ACACB: variants seen among roughly 807,000 people sequenced by gnomAD.
ACACB encodes acetyl-CoA carboxylase beta, also known as acetyl-CoA carboxylase 2.
Under a neutral mutation model 278.8 loss-of-function variants are expected in ACACB, and 209 were observed. The ratio of observed to expected loss-of-function variants is 0.75; its 90% confidence interval spans 0.67 to 0.84. The LOEUF is 0.84. Ranked by LOEUF, ACACB falls within the 40% of genes least tolerant of loss-of-function variation. The pLI is 0.00. For missense variants in ACACB, 2,850 were observed against 3,269.0 expected (o/e 0.87, Z 3.13); for synonymous variants, 1,174 against 1,285.6 (o/e 0.91, Z 1.86).
intron 24 of ACACB, among the ~76,000 whole-genome samples, chr12:109,217,695 G>C (rs1465595281): frequency 6.6e-6 from 1 of 151,244 alleles, no homozygotes; most frequent in Non-Finnish European, 1.5e-5. Flanking sequence ...AGCTACTCAG[G>C]GGGCTGAGGC....
chr12:109,196,102 AG>A (rs2045118556), intron 16 of ACACB, among the ~76,000 whole-genome samples: 1 of 152,090 alleles, frequency 6.6e-6, no homozygotes, highest in South Asian at 2.1e-4. Flanking sequence ...AAGGCCCTTT[AG>A]GGTGTGTGTT....
intron 4 of ACACB, 116 bp from the exon 5 acceptor site, chr12:109,171,689 A>G (rs2044121129): frequency 3.9e-6 from 3 of 777,106 alleles, no homozygotes; most frequent in South Asian, 1.7e-5. Flanking sequence ...CATTGTTACC[A>G]TAGAAATCTG....
chr12:109,228,101 G>A (rs2046366265), intron 28 of ACACB, among the ~76,000 whole-genome samples: 1 of 151,090 alleles, frequency 6.6e-6, no homozygotes, highest in Non-Finnish European at 1.5e-5. Flanking sequence ...ACTTTGGGAG[G>A]CTGAGGTGGG....
chr12:109,116,006 C>T (rs1314295566), upstream of ACACB, among the ~76,000 whole-genome samples: 3 of 152,240 alleles, frequency 2.0e-5, no homozygotes, highest in Non-Finnish European at 2.9e-5. Context: ...GCCCTCCCCA[C>T]GTTGCAGAAC....
chr12:109,141,320 A>C (rs1015661418), intron 2 of ACACB, among the ~76,000 whole-genome samples: 10 of 152,176 alleles, frequency 6.6e-5, no homozygotes, highest in African/African-American at 2.4e-4. Flanking sequence ...GTTGGAAATG[A>C]ATGCCTGTAG....
chr12:109,177,132 G>T (rs980884212), intron 9 of ACACB, among the ~76,000 whole-genome samples: 36 of 152,222 alleles, frequency 2.4e-4, no homozygotes, highest in African/African-American at 7.9e-4. Context: ...ACGAAATTTT[G>T]CTCTGCATTT....
Position 109,266,535 on chromosome 12 carries a change from T to C in ACACB, c.*173T>C. On this transcript the variant is annotated 3_prime_UTR_variant, in exon 53 of 53. Transcript: ENST00000338432. Reference sequence around the variant, plus strand: ...CCCGTCTTAACAAAAGGCCCAGGAGTGCCTCTTCCAAACAAAAACAGCCTC... The same window carrying C: ...CCCGTCTTAACAAAAGGCCCAGGAGCGCCTCTTCCAAACAAAAACAGCCTC... 1 of 729,162 alleles carries C rather than the reference T, an allele frequency of 1.4e-6. No individual in the cohort carries two copies. The highest frequency in any genetic ancestry group is 2.0e-6 in the Non-Finnish European group (1 of 506,922). The allele number at this position is 729,162 out of a possible 1,614,324, so 45.2% of individuals were successfully genotyped here.
At position 109,264,290 on chromosome 12, in the gene ACACB, C is replaced by T. The variant is rs1419599522; in HGVS notation, c.6846C>T (p.Arg2282=). ...ACCTGGAGGGCCGGCTAAAGGCTCG[C>T]GAGGACCTGCTGCTCCCCATCTACC... ...RKDLEGRLKA[R]EDLLLPIYHQ... is the part of the protein sequence containing the mutation. Residue 2282 remains arginine, a synonymous_variant, in exon 50 of 53, where the codon CGC becomes CGT. Transcript: ENST00000338432. 21 of 1,614,038 alleles carry T rather than the reference C, an allele frequency of 1.3e-5. No homozygotes were observed. The highest frequency in any genetic ancestry group is 1.6e-5 in the Non-Finnish European group (19 of 1,180,026).
chr12:109,234,179 T>C, intron 31 of ACACB, 134 bp downstream of exon 31: 1 of 719,774 alleles, frequency 1.4e-6, no homozygotes, highest in Non-Finnish European at 2.4e-6. Flanking sequence ...CCACTCTAGC[T>C]CTGCTCGCCT....
intron 3 of ACACB, 46 bp downstream of exon 3, chr12:109,167,039 A>C: frequency 6.2e-7 from 1 of 1,611,526 alleles, no homozygotes; most frequent in Non-Finnish European, 8.5e-7. Flanking sequence ...ATTGGGGTGC[A>C]GGGGCCCCTC....
intron 49 of ACACB, chr12:109,263,857 A>C (rs1447422897): frequency 6.0e-6 from 1 of 167,692 alleles, no homozygotes; most frequent in Non-Finnish European, 1.3e-5. Flanking sequence ...ATGTGTACTA[A>C]AAATCATTGA....
At position 109,253,120 on chromosome 12, in the gene ACACB, GT is replaced by G; in HGVS notation, c.6010del (p.Tyr2004IlefsTer54). The part of the protein sequence containing the change: ...HITVPDDFEG[V>X]YTILEWLSYM... ...CACCGTGCCAGATGACTTTGAGGGG[GT>G]TTATACCATCCTGGAGTGGCTGTCC... On this transcript the variant is annotated frameshift_variant, in exon 43 of 53. Transcript: ENST00000338432. LOFTEE classifies it high-confidence loss of function. The G allele has an allele frequency of 6.2e-7, 1 of 1,609,108 alleles. No homozygotes were observed. The highest frequency in any genetic ancestry group is 1.1e-5 in the South Asian group (1 of 89,944).
chr12:109,173,408 C>T lies in ACACB; in HGVS notation c.1118-724C>T, dbSNP rs953404133. 2.0e-5 allele frequency among the ~76,000 whole-genome samples: 3 copies of T among 152,354 alleles called. No individual in the cohort carries two copies. The South Asian group carries it at 6.2e-4, about 32-fold the overall frequency. ...ACAGTCTTGCCCAAATGTGAAGCAA[C>T]TCAGTGCGGATCAATACATGATATT... On this transcript the variant is annotated intron_variant, in intron 6 of 52. Transcript: ENST00000338432.
At chr12:109,163,396 A>G (rs1432251131) in intron 2 of ACACB, among the ~76,000 whole-genome samples, 1 of 152,164 alleles carries the variant, frequency 6.6e-6, no homozygotes, top group African/African-American at 2.4e-5. Flanking sequence ...TAACAAAGGG[A>G]ACATTTGTAG....
chr12:109,196,169 G>A (rs1489075240), intron 16 of ACACB, among the ~76,000 whole-genome samples: 3 of 152,172 alleles, frequency 2.0e-5, no homozygotes, highest in African/African-American at 7.2e-5. Context: ...TTCCTGGAGG[G>A]AGATGTAGTG....
At chr12:109,222,969 G>A (rs2046217548) in intron 26 of ACACB, 57 bp downstream of exon 26, 2 of 1,387,344 alleles carry the variant, frequency 1.4e-6, no homozygotes, top group Non-Finnish European at 1.0e-6. Flanking sequence ...GCCCAGGTGG[G>A]GGCCTCTGGG....
chr12:109,171,014 T>C (rs2044095755), intron 4 of ACACB, among the ~76,000 whole-genome samples: 1 of 20,760 alleles, frequency 4.8e-5, no homozygotes, highest in African/African-American at 1.9e-4. Context: ...TTTTTTTGGA[T>C]TTTTTTTTTT....
intron 1 of ACACB, among the ~76,000 whole-genome samples, chr12:109,128,329 T>TTTTTA (rs199506056): frequency 4.0e-4 from 61 of 152,068 alleles, no homozygotes; most frequent in Middle Eastern, 6.8e-3. Context: ...TTTTGGACTT[T>TTTTTA]TTTTATTTTA....
chr12:109,251,935 G>A, intron 41 of ACACB, 111 bp from the exon 42 acceptor site: 1 of 741,820 alleles, frequency 1.3e-6, no homozygotes, highest in South Asian at 2.4e-5. Context: ...GGTTGCCATT[G>A]GTCAAAACAT....
Sources: gnomAD v4.1 joint callset for allele counts (sites outside exome capture counted in the v4.1 genomes callset) on GRCh38, gnomAD v4.1.1 for gene constraint, MANE v1.5 for transcripts, NCBI Gene and HGNC (gene_info 2026-07-23, HGNC 2026-07-21) for gene names.